The following RABGAP1L variants were observed in gnomAD, a reference collection of about 807,000 sequenced individuals.
RABGAP1L encodes rab GTPase-activating protein 1-like.
RABGAP1L carries 63 observed loss-of-function variants against 137.7 expected under a neutral mutation model. That is an observed-to-expected ratio of 0.46 (90% CI 0.37 to 0.56). The LOEUF is 0.56. RABGAP1L is among the 20% of genes least tolerant of loss of function. The pLI is 0.00. For synonymous variants in RABGAP1L, 431 were observed against 433.7 expected (o/e 0.99, Z 0.08); for missense variants, 1,095 against 1,244.0 (o/e 0.88, Z 1.80).
At chr1:174,456,179 A>T (rs1656021049) in intron 13 of RABGAP1L, among the ~76,000 whole-genome samples, 3 of 152,162 alleles carry the variant, frequency 2.0e-5, no homozygotes, top group South Asian at 4.1e-4. Flanking sequence ...TTTTAATCAG[A>T]TGTATTATCA....
intron 13 of RABGAP1L, among the ~76,000 whole-genome samples, chr1:174,602,522 C>T (rs1183076661): frequency 2.0e-5 from 3 of 152,172 alleles, no homozygotes; most frequent in Non-Finnish European, 4.4e-5. Flanking sequence ...AGATGCAATT[C>T]AAGTTGAGAT....
chr1:174,721,231 A>T (rs1443544769), intron 17 of RABGAP1L, among the ~76,000 whole-genome samples: 1 of 152,238 alleles, frequency 6.6e-6, no homozygotes, highest in Admixed American at 6.5e-5. Context: ...TAAAGGTGTG[A>T]TGCTTTCTCT....
chr1:174,989,186 T>C (rs1671862944), intron 25 of RABGAP1L, among the ~76,000 whole-genome samples: 1 of 152,224 alleles, frequency 6.6e-6, no homozygotes, highest in Non-Finnish European at 1.5e-5. Flanking sequence ...CCCCCTCTGC[T>C]GTGTCTACCC....
intron 17 of RABGAP1L, among the ~76,000 whole-genome samples, chr1:174,707,857 T>A (rs1393032940): frequency 6.6e-6 from 1 of 152,220 alleles, no homozygotes; most frequent in African/African-American, 2.4e-5. Context: ...AATGGAAGCT[T>A]AATTCTATTT....
At chr1:174,796,809 C>T (rs538855102) in intron 18 of RABGAP1L, among the ~76,000 whole-genome samples, 12 of 152,172 alleles carry the variant, frequency 7.9e-5, no homozygotes, top group African/African-American at 2.9e-4. Flanking sequence ...GAGTTGAAGA[C>T]CAGCCTGGCC....
chr1:174,918,925 G>A (rs1661340262), intron 19 of RABGAP1L, among the ~76,000 whole-genome samples: 2 of 152,122 alleles, frequency 1.3e-5, no homozygotes, highest in Admixed American at 6.5e-5. Context: ...CTTGAGGTGG[G>A]AGAATTGCTT....
chr1:174,348,905 G>A lies in RABGAP1L; in HGVS notation c.1466-22074G>A, dbSNP rs1296634201. 7.9e-5 allele frequency among the ~76,000 whole-genome samples: 12 copies of A among 152,244 alleles called. No individual in the cohort carries two copies. The South Asian group carries it at 8.3e-4, about 11-fold the overall frequency. ...CATCCGATTTCCCAATCCTTTCCCC[G>A]CCTTTCCCGCCTTTCTATTCCACAA... On this transcript the variant is annotated intron_variant, in intron 11 of 25. Transcript: ENST00000681986.
chr1:174,662,826 TG>T (rs1208857947), intron 14 of RABGAP1L, among the ~76,000 whole-genome samples: 1 of 152,216 alleles, frequency 6.6e-6, no homozygotes, highest in Non-Finnish European at 1.5e-5. Flanking sequence ...CCTAGCCTAA[TG>T]TGGGTGTTTG....
intron 19 of RABGAP1L, among the ~76,000 whole-genome samples, chr1:174,895,819 C>T (rs1657061866): frequency 6.6e-6 from 1 of 152,198 alleles, no homozygotes; most frequent in Non-Finnish European, 1.5e-5. Flanking sequence ...ATATGTGCCA[C>T]ATTTTCTTAA....
chr1:174,370,845 T>C (rs548734716), intron 11 of RABGAP1L, 134 bp from the exon 12 acceptor site: 3 of 407,886 alleles, frequency 7.4e-6, no homozygotes, highest in Non-Finnish European at 1.3e-5. Flanking sequence ...CTTACTGTTA[T>C]TTTTGCAATG....
intron 20 of RABGAP1L, among the ~76,000 whole-genome samples, chr1:174,966,824 T>C (rs1457740205): frequency 6.6e-6 from 1 of 152,178 alleles, no homozygotes; most frequent in East Asian, 1.9e-4. Flanking sequence ...AAAAGGAGGA[T>C]CCAATATGGT....
intron 19 of RABGAP1L, among the ~76,000 whole-genome samples, chr1:174,833,583 CAG>C (rs1692410761): frequency 1.3e-5 from 2 of 148,186 alleles, no homozygotes; most frequent in South Asian, 4.4e-4. Flanking sequence ...AGCCCAGTAA[CAG>C]AATTTAAGAC....
intron 4 of RABGAP1L, among the ~76,000 whole-genome samples, chr1:174,234,632 G>C (rs953426214): frequency 2.0e-5 from 3 of 151,610 alleles, no homozygotes; most frequent in African/African-American, 7.3e-5. Context: ...CTATATCTCT[G>C]TTTTGGTACC....
At chr1:174,776,751 T>C (rs902557266) in intron 18 of RABGAP1L, among the ~76,000 whole-genome samples, 1 of 152,114 alleles carries the variant, frequency 6.6e-6, no homozygotes, top group East Asian at 1.9e-4. Flanking sequence ...CAAACTGGAG[T>C]CAGAAGGCAA....
chr1:174,838,199 A>C (rs1486844867), intron 19 of RABGAP1L, among the ~76,000 whole-genome samples: 1 of 152,216 alleles, frequency 6.6e-6, no homozygotes, highest in African/African-American at 2.4e-5. Flanking sequence ...TCACAAGACT[A>C]ATGTTTCTTG....
At chr1:174,547,341 G>A (rs1465890379) in intron 13 of RABGAP1L, among the ~76,000 whole-genome samples, 1 of 152,132 alleles carries the variant, frequency 6.6e-6, no homozygotes, top group Non-Finnish European at 1.5e-5. Context: ...GTAAGCCTGG[G>A]TGCAGTGACT....
At chr1:174,349,766 C>T (rs1682904390) in intron 11 of RABGAP1L, among the ~76,000 whole-genome samples, 1 of 135,472 alleles carries the variant, frequency 7.4e-6, no homozygotes, top group Non-Finnish European at 1.6e-5. Flanking sequence ...GACGGGGCGG[C>T]TGGCCGGGCA....
intron 19 of RABGAP1L, among the ~76,000 whole-genome samples, chr1:174,939,275 G>A (rs976680963): frequency 4.6e-4 from 70 of 152,242 alleles, no homozygotes; most frequent in African/African-American, 1.6e-3. Context: ...TGAATTTTGG[G>A]CCAGGTGTAG....
intron 15 of RABGAP1L, among the ~76,000 whole-genome samples, chr1:174,691,974 C>A (rs898018564): frequency 4.6e-5 from 7 of 152,012 alleles, no homozygotes; most frequent in Non-Finnish European, 8.8e-5. Flanking sequence ...GAATAGTCAA[C>A]ACAAAATATA....
Sources: allele counts gnomAD v4.1 joint callset (sites outside exome capture counted in the v4.1 genomes callset), GRCh38; gene constraint gnomAD v4.1.1; transcripts MANE v1.5; gene names NCBI Gene and HGNC (gene_info 2026-07-23, HGNC 2026-07-21).